The following DNAH7 variants were observed in gnomAD, a reference collection of about 807,000 sequenced individuals.
DNAH7 encodes the protein dynein axonemal heavy chain 7.
DNAH7 carries 397 observed loss-of-function variants against 444.6 expected under a neutral mutation model. The ratio of observed to expected loss-of-function variants is 0.89; its 90% CI spans 0.82 to 0.97. The LOEUF is 0.97. Ranked by LOEUF, DNAH7 falls within the 50% of genes least tolerant of loss-of-function variation. The pLI is 0.00. For synonymous variants in DNAH7, 1,636 were observed against 1,624.4 expected, an observed-to-expected ratio of 1.01 and a Z score of -0.17; for missense variants, 4,902 against 4,800.8, an observed-to-expected ratio of 1.02 and a Z score of -0.62.
intron 5 of DNAH7, among the ~76,000 whole-genome samples, chr2:196,030,936 T>C (rs1342592452): frequency 3.3e-5 from 5 of 152,214 alleles, no homozygotes; most frequent in African/African-American, 1.2e-4. Flanking sequence ...TGCTGGGGTC[T>C]GAAGGACAGT....
intron 23 of DNAH7, 126 bp from the exon 24 acceptor site, chr2:195,922,323 A>G (rs1688073884): frequency 1.6e-6 from 1 of 608,750 alleles, no homozygotes; most frequent in Non-Finnish European, 2.9e-6. Context: ...GTGTCATTTG[A>G]TTCCATGGCA....
intron 5 of DNAH7, among the ~76,000 whole-genome samples, chr2:196,030,973 C>T (rs1042124016): frequency 5.9e-5 from 9 of 152,318 alleles, no homozygotes; most frequent in African/African-American, 1.9e-4. Flanking sequence ...CTCCACTAGG[C>T]GGTGCCCCAG....
At chr2:195,992,778 G>A (rs1386314816) in intron 12 of DNAH7, among the ~76,000 whole-genome samples, 4 of 152,186 alleles carry the variant, frequency 2.6e-5, no homozygotes, top group Admixed American at 2.0e-4. Context: ...GTAACTGGTA[G>A]GATTTGCAGC....
intron 32 of DNAH7, 76 bp from the exon 33 acceptor site, chr2:195,888,510 T>A: frequency 1.4e-6 from 2 of 1,425,326 alleles, no homozygotes; most frequent in Non-Finnish European, 1.9e-6. Context: ...TCTGTTTTTT[T>A]ATAACCTTCA....
At chr2:195,873,058 G>GTCATCAC (rs1700814539) in intron 39 of DNAH7, among the ~76,000 whole-genome samples, 1 of 152,146 alleles carries the variant, frequency 6.6e-6, no homozygotes, top group South Asian at 2.1e-4. Flanking sequence ...TAGGAGCCAG[G>GTCATCAC]TGTTTACTCC....
intron 15 of DNAH7, among the ~76,000 whole-genome samples, chr2:195,981,113 C>T (rs1692544202): frequency 6.6e-6 from 1 of 151,984 alleles, no homozygotes; most frequent in African/African-American, 2.4e-5. Flanking sequence ...CACCAAAAAA[C>T]TATTAGAACT....
chr2:195,983,602 T>G (rs976645096), intron 15 of DNAH7, among the ~76,000 whole-genome samples: 1 of 152,148 alleles, frequency 6.6e-6, no homozygotes, highest in African/African-American at 2.4e-5. Context: ...AACCTCCTAC[T>G]AGGCCCCACC....
Position 195,960,759 on chromosome 2 carries a change from C to A in DNAH7, c.2392G>T (p.Ala798Ser), listed in dbSNP as rs1247321804. Residue 798 changes from alanine (A) to serine (S), a missense_variant, in exon 18 of 65, where the codon GCA becomes TCA. By Grantham distance (99) the Ala-to-Ser change is moderately conservative. Coordinates refer to ENST00000312428, the MANE Select transcript of DNAH7 (RefSeq NM_018897.3). The stretch of plus-strand genomic sequence containing the variant: ...CCTCTCCAGTAATTTCCAATATCTG[C>A]TTCTACTTGGTCTGGATTCACTTTA... ...YHKVNPDQVEADIGNYWRGLY... is the reference protein window; with the variant it reads ...YHKVNPDQVESDIGNYWRGLY... 3 of 1,614,132 alleles carry A rather than the reference C, an allele frequency of 1.9e-6. No individual in the cohort carries two copies. The highest frequency in any genetic ancestry group is 2.5e-6 in the Non-Finnish European group (3 of 1,180,012).
At chr2:195,884,169 G>A (rs1033407358) in intron 35 of DNAH7, among the ~76,000 whole-genome samples, 1 of 152,154 alleles carries the variant, frequency 6.6e-6, no homozygotes, top group Non-Finnish European at 1.5e-5. Context: ...TTTCAAATCC[G>A]TTTGGGAAGC....
At chr2:195,771,199 G>A (rs886138304) in intron 61 of DNAH7, among the ~76,000 whole-genome samples, 7 of 151,732 alleles carry the variant, frequency 4.6e-5, no homozygotes, top group Admixed American at 6.6e-5. Flanking sequence ...AAATAGCCAG[G>A]CTTGGTGGCT....
At chr2:196,065,129 C>T (rs1466916250) in intron 1 of DNAH7, among the ~76,000 whole-genome samples, 7 of 152,050 alleles carry the variant, frequency 4.6e-5, no homozygotes, top group African/African-American at 1.2e-4. Context: ...TAAAAATTAT[C>T]GTAAACAATC....
At chr2:195,915,375 AGT>A (rs1687611532) in intron 24 of DNAH7, among the ~76,000 whole-genome samples, 1 of 152,214 alleles carries the variant, frequency 6.6e-6, no homozygotes, top group Non-Finnish European at 1.5e-5. Flanking sequence ...GTGCACAGGT[AGT>A]GAGTGAAGAA....
At position 195,784,592 on chromosome 2, in the gene DNAH7, C is replaced by T. The variant is rs184478411; in HGVS notation, c.10878+2418G>A. Among the ~76,000 whole-genome samples, 288 of 152,286 alleles carry T rather than the reference C, an allele frequency of 1.9e-3. 2 individuals carry two copies. Among genetic ancestry groups the T allele is most frequent in the South Asian group, 8.9e-3 (43 of 4,826 alleles). On this transcript the variant is annotated intron_variant, in intron 58 of 64. Transcript: ENST00000312428. ...AGGTATTTGTGTGGACCTAAGTTTT[C>T]AACTGCACTGGGAAAATACAAAGGA...
rs116024624 is a variant in DNAH7, at chr2:195,814,470, T to C, written c.9761+2158A>G. On this transcript the variant is annotated intron_variant, in intron 51 of 64. Transcript: ENST00000312428. ...TTGGATGAGTTCTAACTTGATATAA[T>C]AGGAGACAATAAAGGACCCATCATT... Among the ~76,000 whole-genome samples, 1,067 of 152,258 alleles carry C rather than the reference T, an allele frequency of 7.0e-3. 7 individuals are homozygous for C. The highest frequency in any genetic ancestry group is 0.024 in the African/African-American group (1,011 of 41,552).
At chr2:195,761,970 T>G (rs1694369373) in intron 61 of DNAH7, among the ~76,000 whole-genome samples, 1 of 152,170 alleles carries the variant, frequency 6.6e-6, no homozygotes, top group East Asian at 1.9e-4. Flanking sequence ...TGTATACTAC[T>G]CATATCTTGA....
chr2:195,973,811 G>C (rs966899853), intron 15 of DNAH7, among the ~76,000 whole-genome samples: 2 of 152,072 alleles, frequency 1.3e-5, no homozygotes, highest in African/African-American at 4.8e-5. Context: ...AAATCGGCCG[G>C]GTGTGGTGGC....
At chr2:196,023,830 G>A (rs1695523690) in intron 8 of DNAH7, among the ~76,000 whole-genome samples, 2 of 152,160 alleles carry the variant, frequency 1.3e-5, no homozygotes, top group Non-Finnish European at 2.9e-5. Context: ...TTTAAAGTGA[G>A]AAATGTGCAA....
At chr2:195,813,554 C>G (rs181283993) in intron 51 of DNAH7, among the ~76,000 whole-genome samples, 3 of 152,136 alleles carry the variant, frequency 2.0e-5, no homozygotes, top group East Asian at 3.9e-4. Context: ...CATACAGATA[C>G]GAAAAGTTTG....
At chr2:195,995,373 G>T (rs1393094821) in intron 12 of DNAH7, 6 of 517,608 alleles carry the variant, frequency 1.2e-5, no homozygotes, top group Non-Finnish European at 2.3e-5. Context: ...GAACTTCTTG[G>T]TGAGCACACC....
Sources: gnomAD v4.1 joint callset for allele counts (sites outside exome capture counted in the v4.1 genomes callset) on GRCh38, gnomAD v4.1.1 for gene constraint, MANE v1.5 for transcripts, NCBI Gene and HGNC (gene_info 2026-07-23, HGNC 2026-07-21) for gene names.